The following MAP7 variants were observed in gnomAD, a reference collection of about 807,000 sequenced individuals.
MAP7 encodes ensconsin.
A neutral mutation model predicts 94.8 loss-of-function variants in MAP7; 52 were observed. The ratio of observed to expected loss-of-function variants is 0.55; its 90% CI spans 0.44 to 0.69. The LOEUF is 0.69. Ranked by LOEUF, MAP7 falls within the 30% of genes least tolerant of loss-of-function variation. The probability of loss-of-function intolerance (pLI) is 0.00; values close to 1 mark genes in which losing one functional copy is unlikely to be tolerated. For synonymous variants in MAP7, 350 were observed against 357.0 expected (o/e 0.98, Z 0.22); for missense variants, 940 against 964.6 (o/e 0.97, Z 0.34).
intron 3 of MAP7, among the ~76,000 whole-genome samples, chr6:136,409,053 A>G (rs1423656863): frequency 6.7e-6 from 1 of 148,658 alleles, no homozygotes; most frequent in Non-Finnish European, 1.5e-5. Flanking sequence ...GTTTAAATGG[A>G]AAAAAAAAAT....
intron 8 of MAP7, 150 bp downstream of exon 8, chr6:136,372,351 A>G: frequency 3.3e-6 from 3 of 909,404 alleles, no homozygotes; most frequent in Non-Finnish European, 4.9e-6. Flanking sequence ...CTGCCCAGCT[A>G]GCCAGATTCA....
chr6:136,547,050 G>A (rs1829791478), intron 1 of MAP7, among the ~76,000 whole-genome samples: 1 of 152,156 alleles, frequency 6.6e-6, no homozygotes, highest in Non-Finnish European at 1.5e-5. Flanking sequence ...TCTTTCAAAG[G>A]GGACAAGCTT....
intron 1 of MAP7, among the ~76,000 whole-genome samples, chr6:136,530,433 T>C (rs1176354543): frequency 6.6e-6 from 1 of 152,250 alleles, no homozygotes; most frequent in Non-Finnish European, 1.5e-5. Context: ...CTCCCCAAGA[T>C]AAACTGAAAT....
chr6:136,420,456 A>G, intron 2 of MAP7: 1 of 481,914 alleles, frequency 2.1e-6, no homozygotes, highest in Non-Finnish European at 3.7e-6. Context: ...AAGAATTTCT[A>G]CTTCCATAGA....
intron 1 of MAP7, among the ~76,000 whole-genome samples, chr6:136,494,519 T>G (rs9494528): frequency 0.076 from 11,503 of 152,188 alleles, 935 homozygotes; most frequent in African/African-American, 0.2. Flanking sequence ...ACAAGGTAAA[T>G]GTACTTAATG....
intron 3 of MAP7, among the ~76,000 whole-genome samples, chr6:136,400,968 C>G (rs1431874583): frequency 6.6e-6 from 1 of 152,228 alleles, no homozygotes; most frequent in Non-Finnish European, 1.5e-5. Context: ...AAGTTAGTCA[C>G]TTCAAGTCTT....
Position 136,411,694 on chromosome 6 carries a change from G to A in MAP7, c.170C>T (p.Pro57Leu). The change falls in exon 3 of 18, where the codon CCT becomes CTT. Residue 57 changes from proline (P) to leucine (L), a missense_variant. Physicochemically the swap from Pro to Leu is moderately conservative, Grantham distance 98. Coordinates refer to ENST00000354570, the MANE Select transcript of MAP7 (RefSeq NM_003980.6). The part of the protein sequence containing the change: ...NNNHSGNKPD[P>L]PPVLRVDDRQ... ...GTCATCAACACGTAACACAGGCGGA[G>A]GGTCTGAAAGCGAGATTAAAAAAAA... 1 of 1,561,744 alleles carries A rather than the reference G, an allele frequency of 6.4e-7. No individual in the cohort carries two copies. The highest frequency in any genetic ancestry group is 1.2e-5 in the South Asian group (1 of 84,806).
intron 3 of MAP7, among the ~76,000 whole-genome samples, chr6:136,393,978 ATTTTTT>A (rs1554242698): frequency 5.5e-5 from 2 of 36,226 alleles, no homozygotes; most frequent in South Asian, 1.3e-3. Flanking sequence ...CAGCAAAGGT[ATTTTTT>A]TTTTTTTTTT....
At chr6:136,514,408 A>G (rs1824146781) in intron 1 of MAP7, among the ~76,000 whole-genome samples, 1 of 152,000 alleles carries the variant, frequency 6.6e-6, no homozygotes, top group Non-Finnish European at 1.5e-5. Context: ...AACATGGCGA[A>G]ACCCTGTCTC....
chr6:136,504,564 C>G (rs538752149), intron 1 of MAP7, among the ~76,000 whole-genome samples: 2 of 151,744 alleles, frequency 1.3e-5, no homozygotes, highest in East Asian at 1.9e-4. Context: ...AGGCTCATCT[C>G]GAACTCCTGG....
intron 1 of MAP7, among the ~76,000 whole-genome samples, chr6:136,452,754 T>C (rs1448451373): frequency 6.6e-6 from 1 of 152,198 alleles, no homozygotes; most frequent in East Asian, 1.9e-4. Context: ...GGTTTCACCA[T>C]GTTGGCCAGG....
chr6:136,447,237 T>C (rs1799630434), intron 1 of MAP7, among the ~76,000 whole-genome samples: 1 of 152,236 alleles, frequency 6.6e-6, no homozygotes, highest in Non-Finnish European at 1.5e-5. Context: ...AAATTACTTT[T>C]CAGTGTTAGT....
chr6:136,472,595 C>T (rs529869681), intron 1 of MAP7, among the ~76,000 whole-genome samples: 16 of 152,222 alleles, frequency 1.1e-4, no homozygotes, highest in Middle Eastern at 3.4e-3. Flanking sequence ...TAGCCCTAGA[C>T]AATACACTCT....
chr6:136,506,702 G>C (rs917480107), intron 1 of MAP7, among the ~76,000 whole-genome samples: 2 of 152,194 alleles, frequency 1.3e-5, no homozygotes, highest in African/African-American at 2.4e-5. Flanking sequence ...AAGGAATGAA[G>C]CTTGAGGCGG....
At chr6:136,346,763 G>A (rs1336872510) in intron 16 of MAP7, among the ~76,000 whole-genome samples, 2 of 152,112 alleles carry the variant, frequency 1.3e-5, no homozygotes, top group African/African-American at 4.8e-5. Context: ...CCTCAAAGAT[G>A]AGGGGATTAT....
At chr6:136,353,032 A>C (rs1789675599) in intron 16 of MAP7, among the ~76,000 whole-genome samples, 1 of 152,228 alleles carries the variant, frequency 6.6e-6, no homozygotes, top group Admixed American at 6.5e-5. Flanking sequence ...GTGTCATATA[A>C]TGGGGACCAA....
intron 1 of MAP7, among the ~76,000 whole-genome samples, chr6:136,507,282 C>T (rs117864120): frequency 0.017 from 2,564 of 151,516 alleles, 23 homozygotes; most frequent in Middle Eastern, 0.027. Flanking sequence ...TCTTCACATC[C>T]CACAGTTCCC....
At chr6:136,382,207 C>T (rs1245040842) in intron 6 of MAP7, among the ~76,000 whole-genome samples, 1 of 152,178 alleles carries the variant, frequency 6.6e-6, no homozygotes, top group African/African-American at 2.4e-5. Context: ...TTGATACAGA[C>T]AATTCAATGT....
At chr6:136,506,955 G>T (rs1307051727) in intron 1 of MAP7, among the ~76,000 whole-genome samples, 2 of 152,138 alleles carry the variant, frequency 1.3e-5, no homozygotes, top group Non-Finnish European at 2.9e-5. Context: ...CACTGTTTCT[G>T]AACCTCACTT....
Sources: gnomAD v4.1 joint callset for allele counts (sites outside exome capture counted in the v4.1 genomes callset) on GRCh38, gnomAD v4.1.1 for gene constraint, MANE v1.5 for transcripts, NCBI Gene and HGNC (gene_info 2026-07-23, HGNC 2026-07-21) for gene names.